Variants in SHTN1 observed in about 807,000 individuals in gnomAD.
SHTN1 encodes the protein shootin-1.
SHTN1 carries 42 observed loss-of-function variants against 83.1 expected under a neutral mutation model. That is an observed-to-expected ratio of 0.51 (90% CI 0.39 to 0.65). The LOEUF (loss-of-function observed/expected upper bound fraction) is 0.65. Among genes scored for constraint, SHTN1 ranks in the 30% least tolerant of loss-of-function variants. The pLI is 0.00. For synonymous variants in SHTN1, 224 were observed against 247.7 expected, an observed-to-expected ratio of 0.90 and a Z score of 0.90; for missense variants, 622 against 737.8, an observed-to-expected ratio of 0.84 and a Z score of 1.82.
chr10:116,997,875 G>A (rs985171305), intron 1 of SHTN1, among the ~76,000 whole-genome samples: 9 of 152,154 alleles, frequency 5.9e-5, no homozygotes, highest in South Asian at 4.1e-4. Flanking sequence ...GGTGGATCAC[G>A]AGGTCAGGAG....
chr10:117,007,939 C>T (rs1415516650), upstream of SHTN1, among the ~76,000 whole-genome samples: 9 of 147,450 alleles, frequency 6.1e-5, no homozygotes, highest in Non-Finnish European at 1.1e-4. Context: ...ACCCGAGAGG[C>T]GAAGGTTGCA....
chr10:117,053,024 A>AAAAAAAAAAAAAAAAAAAAAAGAAAAAAG (rs1554934278), intron 1 of SHTN1, among the ~76,000 whole-genome samples: 1 of 51,282 alleles, frequency 1.9e-5, no homozygotes, highest in Non-Finnish European at 5.7e-5. Flanking sequence ...TGTCTCAAAA[A>AAAAAAAAAAAAAAAAAAAAAAGAAAAAAG]AAAAAAGAAT....
At chr10:117,078,153 A>G (rs2133608598) in intron 1 of SHTN1, among the ~76,000 whole-genome samples, 1 of 152,322 alleles carries the variant, frequency 6.6e-6, no homozygotes, top group East Asian at 1.9e-4. Context: ...CTTTCAATGG[A>G]CATTTTAAAC....
intron 1 of SHTN1, among the ~76,000 whole-genome samples, chr10:117,090,756 AGGAAGGAAGGAAGGAAGGAAG>A: frequency 6.2e-4 from 1 of 1,616 alleles, no homozygotes; most frequent in Non-Finnish European, 1.8e-3. Flanking sequence ...TGAAAACAGA[AGGAAGGAAGGAAGGAAGGAAG>A]GAAGGAAGGA....
intron 1 of SHTN1, among the ~76,000 whole-genome samples, chr10:117,087,880 A>C (rs1019122447): frequency 2.0e-5 from 3 of 152,340 alleles, no homozygotes; most frequent in African/African-American, 7.2e-5. Flanking sequence ...AGGCAGGAGG[A>C]CTGCTTGAGA....
At chr10:117,044,553 G>T (rs1852634155) in intron 2 of SHTN1, among the ~76,000 whole-genome samples, 1 of 152,092 alleles carries the variant, frequency 6.6e-6, no homozygotes. Flanking sequence ...CTTGAAATCT[G>T]TGTAGAGTAT....
At chr10:117,035,445 T>A (rs1342204238) in intron 2 of SHTN1, among the ~76,000 whole-genome samples, 1 of 152,002 alleles carries the variant, frequency 6.6e-6, no homozygotes, top group African/African-American at 2.4e-5. Context: ...TTGAGTAATA[T>A]CCTATAAACA....
At chr10:116,977,950 C>T (rs1184123492) in intron 2 of SHTN1, among the ~76,000 whole-genome samples, 1 of 152,020 alleles carries the variant, frequency 6.6e-6, no homozygotes, top group Non-Finnish European at 1.5e-5. Context: ...GTGCTTCTTA[C>T]CATATTATAG....
At chr10:116,991,292 A>C (rs1851427638) in intron 1 of SHTN1, among the ~76,000 whole-genome samples, 1 of 152,218 alleles carries the variant, frequency 6.6e-6, no homozygotes, top group Admixed American at 6.5e-5. Context: ...ATTTTGGTTT[A>C]CATTTGTTTC....
At chr10:117,010,004 A>C (rs1347827625), upstream of SHTN1, among the ~76,000 whole-genome samples, 3 of 152,172 alleles carry the variant, frequency 2.0e-5, no homozygotes, top group East Asian at 5.8e-4. Context: ...AAGATACAAA[A>C]TCAATAAGGT....
intron 2 of SHTN1, among the ~76,000 whole-genome samples, chr10:117,031,490 CTT>C (rs1852415458): frequency 6.6e-6 from 1 of 151,888 alleles, no homozygotes. Flanking sequence ...ATAAACTACT[CTT>C]ATTTCTAGTA....
In SHTN1 at chr10:116,895,564, G is replaced by T. The variant is rs74743194; in HGVS notation, c.1673+6201C>A. On this transcript the variant is annotated intron_variant, in intron 16 of 16. Transcript: ENST00000355371. The stretch of plus-strand genomic sequence containing the variant: ...TTACAGAATGAGAAAAGGAAGACAT[G>T]AAACTACCTATGAGTATGCAGGGTC... 5.0e-3 allele frequency among the ~76,000 whole-genome samples: 757 copies of T among 152,274 alleles called. 29 individuals are homozygous for T. In the East Asian group the frequency reaches 0.11, roughly 21 times the overall value.
At chr10:117,005,511 G>C, upstream of SHTN1, 10 of 1,009,238 alleles carry the variant, frequency 9.9e-6, no homozygotes, top group Non-Finnish European at 1.2e-5. Flanking sequence ...GCGTGTGTGG[G>C]AACTCCACTT....
chr10:116,929,433 A>G (rs1431831553), intron 10 of SHTN1, among the ~76,000 whole-genome samples: 5 of 152,204 alleles, frequency 3.3e-5, no homozygotes, highest in Non-Finnish European at 4.4e-5. Flanking sequence ...CCAAAGATGA[A>G]GGTAGTATGA....
intron 1 of SHTN1, among the ~76,000 whole-genome samples, chr10:117,050,130 C>T (rs995165278): frequency 1.3e-5 from 2 of 151,788 alleles, no homozygotes; most frequent in African/African-American, 4.8e-5. Context: ...AGTTCAAGGC[C>T]ATCCTGGGCA....
chr10:116,903,161 A>T (rs1847815019), intron 15 of SHTN1, among the ~76,000 whole-genome samples: 1 of 152,196 alleles, frequency 6.6e-6, no homozygotes, highest in African/African-American at 2.4e-5. Context: ...ACAAAGCATT[A>T]GTTTCTATCT....
At chr10:116,965,393 T>C (rs1350918942) in intron 3 of SHTN1, among the ~76,000 whole-genome samples, 1 of 152,172 alleles carries the variant, frequency 6.6e-6, no homozygotes, top group African/African-American at 2.4e-5. Flanking sequence ...GGCACACACC[T>C]GTAATCCAAG....
intron 16 of SHTN1, among the ~76,000 whole-genome samples, chr10:116,899,442 T>C (rs539724284): frequency 7.3e-5 from 11 of 150,760 alleles, no homozygotes; most frequent in Non-Finnish European, 1.3e-4. Flanking sequence ...GGGCCTAGGG[T>C]GAAGTGGTAC....
chr10:116,938,185 T>A (rs1849241751), intron 9 of SHTN1, among the ~76,000 whole-genome samples: 1 of 152,074 alleles, frequency 6.6e-6, no homozygotes, highest in Non-Finnish European at 1.5e-5. Flanking sequence ...AAACTCATTC[T>A]TTGTCCAGTT....
Sources: allele counts gnomAD v4.1 joint callset (sites outside exome capture counted in the v4.1 genomes callset), GRCh38; gene constraint gnomAD v4.1.1; transcripts MANE v1.5; gene names NCBI Gene and HGNC (gene_info 2026-07-23, HGNC 2026-07-21).